DLEC1: variants seen among roughly 807,000 people sequenced by gnomAD.
The protein encoded by DLEC1 is DLEC1 cilia and flagella associated protein, also known as deleted in lung and esophageal cancer protein 1.
DLEC1 carries 146 observed loss-of-function variants against 198.1 expected under a neutral mutation model. That is an observed-to-expected ratio of 0.74 (90% CI 0.64 to 0.85). The LOEUF (loss-of-function observed/expected upper bound fraction) is 0.85. Ranked by LOEUF, DLEC1 falls within the 40% of genes least tolerant of loss-of-function variation. DLEC1 has a pLI of 0.00. For synonymous variants in DLEC1, 897 were observed against 866.8 expected (o/e 1.03, Z -0.61); for missense variants, 2,233 against 2,220.0 (o/e 1.01, Z -0.12).
At chr3:38,121,209 G>A (rs1206735519) in intron 34 of DLEC1, among the ~76,000 whole-genome samples, 3 of 152,254 alleles carry the variant, frequency 2.0e-5, no homozygotes, top group Non-Finnish European at 2.9e-5. Flanking sequence ...GGCAGTGCCT[G>A]AGTGTGATGC....
chr3:38,054,197 T>A (rs1319602324), intron 2 of DLEC1, among the ~76,000 whole-genome samples: 1 of 145,514 alleles, frequency 6.9e-6, no homozygotes, highest in Non-Finnish European at 1.5e-5. Context: ...CAATAAATAC[T>A]AAAAAAAAAA....
Position 38,117,193 on chromosome 3 carries a change from A to T in DLEC1, c.4306-15A>T. ...CAGCCCAGGGATCAGCTGTGATCAG[A>T]CTTGGGCTCAGTAGGTGGAAAGGGA... On this transcript the variant is annotated splice_polypyrimidine_tract_variant and intron_variant, in intron 30 of 36. Transcript: ENST00000308059. 6.2e-7 allele frequency: 1 copy of T among 1,614,122 alleles called. No individual in the cohort carries two copies. The highest frequency in any genetic ancestry group is 8.5e-7 in the Non-Finnish European group (1 of 1,179,988).
intron 7 of DLEC1, among the ~76,000 whole-genome samples, chr3:38,084,539 G>T (rs75470428): frequency 2.5e-4 from 1 of 4,076 alleles, no homozygotes; most frequent in Non-Finnish European, 4.9e-4. Flanking sequence ...TAGTGGTGGT[G>T]GTAGTAGTAG....
intron 2 of DLEC1, among the ~76,000 whole-genome samples, chr3:38,050,191 C>T (rs1246939816): frequency 6.6e-6 from 1 of 152,054 alleles, no homozygotes; most frequent in African/African-American, 2.4e-5. Context: ...ACCTCAGCCT[C>T]CCTAGTAGCT....
At chr3:38,053,858 C>A (rs937385402) in intron 2 of DLEC1, among the ~76,000 whole-genome samples, 1 of 152,184 alleles carries the variant, frequency 6.6e-6, no homozygotes, top group Non-Finnish European at 1.5e-5. Flanking sequence ...AAGAAAAATT[C>A]TTCTGCCTTG....
Position 38,122,591 on chromosome 3 carries a change from T to G in DLEC1, c.*179T>G. The G allele has an allele frequency of 6.3e-7, 1 of 1,587,122 alleles. No homozygotes were observed. Among genetic ancestry groups the G allele is most frequent in the East Asian group, 2.3e-5 (1 of 44,440 alleles). On this transcript the variant is annotated 3_prime_UTR_variant, in exon 37 of 37. Transcript: ENST00000308059. ...CAGCCTAGGCCCTCATGATATGTCC[T>G]CAGAGCTAACATAAAGGACAGGCCA...
intron 6 of DLEC1, among the ~76,000 whole-genome samples, chr3:38,064,192 G>C (rs1696867612): frequency 2.6e-5 from 4 of 151,834 alleles, no homozygotes; most frequent in Admixed American, 2.6e-4. Context: ...GGGTACTTGA[G>C]ATTAGGGAGT....
chr3:38,109,324 G>A, intron 21 of DLEC1, 108 bp from the exon 22 acceptor site: 1 of 1,465,774 alleles, frequency 6.8e-7, no homozygotes, highest in South Asian at 1.3e-5. Flanking sequence ...AGATGAGCCT[G>A]GCCAGAGGTC....
At chr3:38,099,673 G>A (rs865779105) in intron 18 of DLEC1, among the ~76,000 whole-genome samples, 31 of 150,158 alleles carry the variant, frequency 2.1e-4, no homozygotes, top group African/African-American at 7.6e-4. Flanking sequence ...AGAATGGAAT[G>A]TAAAGAGCCC....
At chr3:38,056,828 A>G (rs1290958022) in intron 2 of DLEC1, among the ~76,000 whole-genome samples, 1 of 152,370 alleles carries the variant, frequency 6.6e-6, no homozygotes, top group Non-Finnish European at 1.5e-5. Context: ...GGTGGCAAAC[A>G]GCTCACTTAG....
intron 6 of DLEC1, among the ~76,000 whole-genome samples, chr3:38,067,196 C>T (rs901677915): frequency 3.9e-5 from 6 of 152,156 alleles, no homozygotes; most frequent in African/African-American, 9.7e-5. Context: ...GTTGTTTACC[C>T]GGCTAAACTA....
At chr3:38,078,587 C>G (rs1031958822) in intron 6 of DLEC1, among the ~76,000 whole-genome samples, 1 of 152,154 alleles carries the variant, frequency 6.6e-6, no homozygotes, top group African/African-American at 2.4e-5. Flanking sequence ...AGATAGGTAA[C>G]AGATGAGGAC....
Position 38,039,284 on chromosome 3 carries a change from A to AG in DLEC1, c.63dup (p.Thr22AspfsTer32). On this transcript the variant is annotated frameshift_variant, in exon 1 of 37. Transcript: ENST00000308059. LOFTEE classifies it high-confidence loss of function. ...TTAGCGTCCCGGACCAACGAGTGCC[A>AG]GGGGACAATGTGGGCGCCAACTTCG... 1 of 1,614,120 alleles carries AG rather than the reference A, an allele frequency of 6.2e-7. No homozygotes were observed. Among genetic ancestry groups the AG allele is most frequent in the Non-Finnish European group, 8.5e-7 (1 of 1,179,992 alleles).
In DLEC1 at chr3:38,123,651, A is replaced by G. The variant is rs1167569959; in HGVS notation, c.*1239A>G. 6.5e-6 allele frequency: 1 copy of G among 153,074 alleles called. No homozygotes were observed. Among genetic ancestry groups the G allele is most frequent in the African/African-American group, 2.4e-5 (1 of 41,452 alleles). The allele number at this position is 153,074 out of a possible 1,614,324, so 9.5% of individuals were successfully genotyped here. On this transcript the variant is annotated 3_prime_UTR_variant, in exon 37 of 37. Transcript: ENST00000308059. ...CTAGGAGTTCAAGACCAGCCTAGGC[A>G]ATATAGCAAGACCCCATCTTAGAAA...
In DLEC1 at chr3:38,040,449, CTG is replaced by C. The variant is rs1700601626; in HGVS notation, c.411+814_411+815del. On this transcript the variant is annotated intron_variant, in intron 1 of 36. Transcript: ENST00000308059. The stretch of plus-strand genomic sequence containing the variant: ...CTGTCCTCTGTAGCTTTCAACCTAA[CTG>C]AGGTAGATAGACATTAACAAAATGA... 3.9e-5 allele frequency among the ~76,000 whole-genome samples: 6 copies of C among 152,338 alleles called. No individual in the cohort carries two copies. The South Asian group carries it at 1.2e-3, about 32-fold the overall frequency.
intron 19 of DLEC1, among the ~76,000 whole-genome samples, chr3:38,104,585 G>A (rs1361216089): frequency 6.6e-6 from 1 of 152,152 alleles, no homozygotes; most frequent in East Asian, 1.9e-4. Flanking sequence ...GTTGTTAGTG[G>A]TATTCTCTGA....
At chr3:38,060,264 G>A (rs1466802117) in intron 3 of DLEC1, among the ~76,000 whole-genome samples, 1 of 152,208 alleles carries the variant, frequency 6.6e-6, no homozygotes, top group East Asian at 1.9e-4. Context: ...CAGAATGGAG[G>A]GAAGCCTGGG....
rs762378159 is a variant in DLEC1, at chr3:38,117,003, T to C, written c.4208T>C (p.Ile1403Thr). 4.3e-6 allele frequency: 7 copies of C among 1,613,886 alleles called. No homozygotes were observed. The highest frequency in any genetic ancestry group is 3.3e-5 in the Admixed American group (2 of 60,002). The change falls in exon 30 of 37, where the codon ATC becomes ACC. Residue 1403 changes from isoleucine (I) to threonine (T), a missense_variant. Physicochemically the swap from Ile to Thr is moderately conservative, Grantham distance 89. Coordinates refer to ENST00000308059, the MANE Select transcript of DLEC1 (RefSeq NM_007335.4). ...VVVPAGGSST[I>T]YISFTPMVLS... ...GTCCCTGCTGGGGGCAGCAGTACCA[T>C]CTACATCTCCTTCACCCCTATGGTG...
chr3:38,039,543 C>G lies in DLEC1; in HGVS notation c.318C>G (p.Ala106=). The G allele has an allele frequency of 6.2e-7, 1 of 1,614,006 alleles. No homozygotes were observed. Among genetic ancestry groups the G allele is most frequent in the Non-Finnish European group, 8.5e-7 (1 of 1,179,936 alleles). Reference sequence around the variant, plus strand: ...GCGTCTTCCGCAACTTGTACTCAGCCGAGGTCATCGGCGACGAAGTGAGCG... The same window carrying G: ...GCGTCTTCCGCAACTTGTACTCAGCGGAGGTCATCGGCGACGAAGTGAGCG... ...LTGVFRNLYS[A]EVIGDEVSAS... The change falls in exon 1 of 37, where the codon GCC becomes GCG. Residue 106 remains alanine (A), a synonymous_variant. Transcript: ENST00000308059.
Sources: allele counts gnomAD v4.1 joint callset (sites outside exome capture counted in the v4.1 genomes callset), GRCh38; gene constraint gnomAD v4.1.1; transcripts MANE v1.5; gene names NCBI Gene and HGNC (gene_info 2026-07-23, HGNC 2026-07-21).